Variants in HSD17B12 observed in about 807,000 individuals in gnomAD.
HSD17B12 encodes the protein hydroxysteroid 17-beta dehydrogenase 12, also known as very-long-chain 3-oxoacyl-CoA reductase.
Under a neutral mutation model 39.3 loss-of-function variants are expected in HSD17B12, and 32 were observed. The ratio of observed to expected loss-of-function variants is 0.81; its 90% confidence interval spans 0.61 to 1.09. The LOEUF is 1.09. Among genes scored for constraint, HSD17B12 ranks in the 50% least tolerant of loss-of-function variants. The pLI is 0.00. For synonymous variants in HSD17B12, 150 were observed against 146.7 expected (o/e 1.02, Z -0.16); for missense variants, 342 against 382.9 (o/e 0.89, Z 0.89).
At chr11:43,708,064 G>A (rs765113426) in intron 1 of HSD17B12, among the ~76,000 whole-genome samples, 3 of 152,100 alleles carry the variant, frequency 2.0e-5, no homozygotes, top group East Asian at 1.9e-4. Context: ...GGCCCCACCC[G>A]CAGATACCAT....
chr11:43,800,614 G>A (rs1950957587), intron 4 of HSD17B12, among the ~76,000 whole-genome samples: 2 of 152,152 alleles, frequency 1.3e-5, no homozygotes, highest in Non-Finnish European at 2.9e-5. Flanking sequence ...CAGGACACAT[G>A]TTCTCTAAAT....
At chr11:43,769,064 C>T (rs1184854608) in intron 3 of HSD17B12, among the ~76,000 whole-genome samples, 1 of 152,214 alleles carries the variant, frequency 6.6e-6, no homozygotes, top group African/African-American at 2.4e-5. Context: ...CTCAGCCTCC[C>T]AAGAAGCTAG....
chr11:43,681,216 A>G (rs938553324), intron 1 of HSD17B12: 1 of 1,258,202 alleles, frequency 7.9e-7, no homozygotes, highest in Non-Finnish European at 1.0e-6. Context: ...AATCCTGGGA[A>G]TCTAAGCTCA....
At chr11:43,655,037 G>A in the HSD17B12 span, among the ~76,000 whole-genome samples, 1 of 152,146 alleles carries the variant, frequency 6.6e-6, no homozygotes, top group Non-Finnish European at 1.5e-5. Flanking sequence ...CTACCCATGA[G>A]CATGGAATGT....
chr11:43,676,324 A>C (rs1949695092), upstream of HSD17B12, among the ~76,000 whole-genome samples: 1 of 152,038 alleles, frequency 6.6e-6, no homozygotes, highest in African/African-American at 2.4e-5. Flanking sequence ...AGGCAGGTGG[A>C]TATATATACT....
rs143705895 is a variant in HSD17B12 at position 43,747,169 on chromosome 11, A to G, written c.161-3742A>G. Among the ~76,000 whole-genome samples the G allele has an allele frequency of 2.3e-3, 354 of 152,300 alleles. 1 individual carries two copies. Among genetic ancestry groups the G allele is most frequent in the African/African-American group, 8.1e-3 (338 of 41,558 alleles). On this transcript the variant is annotated intron_variant, in intron 1 of 10. Coordinates refer to ENST00000278353, the MANE Select transcript of HSD17B12 (RefSeq NM_016142.3). The stretch of plus-strand genomic sequence containing the variant: ...CCGATCATCATTTAAACACTTACCA[A>G]ATGTCTACTGAACACCTACCTTGTG...
In HSD17B12 at chr11:43,829,083, A is replaced by T. The variant is rs1187775400; in HGVS notation, c.502-1893A>T. Among the ~76,000 whole-genome samples the T allele has an allele frequency of 3.3e-5, 5 of 152,164 alleles. 1 individual carries two copies. Among genetic ancestry groups the T allele is most frequent in the Admixed American group, 2.6e-4 (4 of 15,270 alleles). ...TTTCATTGTTATTATTTGACAGATT[A>T]AAAAAAGATGTTACATTTTATGACA... is the stretch of plus-strand genomic sequence containing the variant. On this transcript the variant is annotated intron_variant, in intron 6 of 10. Coordinates refer to ENST00000278353, the MANE Select transcript of HSD17B12 (RefSeq NM_016142.3).
rs150402418 is a variant in HSD17B12, at chr11:43,707,854, C to T, written c.160+26867C>T. ...TCTTGGTCAGTTTGGGCTGCTGTGA[C>T]AGAATACTATAGACTAGATGGCTGA... is the stretch of plus-strand genomic sequence containing the variant. On this transcript the variant is annotated intron_variant, in intron 1 of 10. Transcript: ENST00000278353. 5.3e-3 allele frequency among the ~76,000 whole-genome samples: 801 copies of T among 152,232 alleles called. 9 individuals carry two copies. The highest frequency in any genetic ancestry group is 0.019 in the African/African-American group (777 of 41,526).
rs11037617 is a variant in HSD17B12 at position 43,769,643 on chromosome 11, A to T, written c.283+15522A>T. Among the ~76,000 whole-genome samples the T allele has an allele frequency of 5.0e-3, 765 of 152,310 alleles. 6 individuals carry two copies. Among genetic ancestry groups the T allele is most frequent in the East Asian group, 0.045 (231 of 5,184 alleles). ...GTATGACATTGTTTTTCAATTATGA[A>T]TCACTTAAAATCAGTGTTTTTGACT... On this transcript the variant is annotated intron_variant, in intron 3 of 10. Coordinates refer to ENST00000278353, the MANE Select transcript of HSD17B12 (RefSeq NM_016142.3).
chr11:43,607,279 A>AGTGTGTGT, the HSD17B12 span, among the ~76,000 whole-genome samples: 18 of 145,390 alleles, frequency 1.2e-4, no homozygotes, highest in South Asian at 2.3e-4. Context: ...TGTGCTCCTG[A>AGTGTGTGT]GTGTGTGTGT....
At chr11:43,684,829 A>G (rs192171522) in intron 1 of HSD17B12, among the ~76,000 whole-genome samples, 1 of 152,200 alleles carries the variant, frequency 6.6e-6, no homozygotes, top group African/African-American at 2.4e-5. Context: ...CTTAAAAGAA[A>G]TGCTGTACCC....
At chr11:43,660,551 A>G in the HSD17B12 span, among the ~76,000 whole-genome samples, 748 of 152,356 alleles carry the variant, frequency 4.9e-3, 7 homozygotes, top group Non-Finnish European at 7.2e-3. Flanking sequence ...TAAAAAGACA[A>G]TACTAAGTGG....
In HSD17B12 at chr11:43,849,325, A is replaced by AC. The variant is rs199700540; in HGVS notation, c.685-5390_685-5389insC. 4.1e-3 allele frequency among the ~76,000 whole-genome samples: 623 copies of AC among 151,796 alleles called. 5 individuals are homozygous for AC. The highest frequency in any genetic ancestry group is 0.014 in the African/African-American group (561 of 41,364). On this transcript the variant is annotated intron_variant, in intron 9 of 10. Transcript: ENST00000278353. ...CTCAAACAAAACAAAACAAAACAAA[A>AC]AAATCCAGTTACTTCACTGCTATGC...
the HSD17B12 span, among the ~76,000 whole-genome samples, chr11:43,632,535 AT>A: frequency 2.6e-5 from 4 of 151,808 alleles, no homozygotes; most frequent in African/African-American, 4.8e-5. Context: ...TGTATTTGCC[AT>A]TTTTTTTCCT....
At chr11:43,743,919 CAG>C (rs1950391126) in intron 1 of HSD17B12, among the ~76,000 whole-genome samples, 1 of 152,092 alleles carries the variant, frequency 6.6e-6, no homozygotes, top group African/African-American at 2.4e-5. Flanking sequence ...TTAATATCCT[CAG>C]AGATTAGATA....
At chr11:43,827,604 A>G (rs1016808371) in intron 6 of HSD17B12, among the ~76,000 whole-genome samples, 2 of 152,370 alleles carry the variant, frequency 1.3e-5, no homozygotes, top group South Asian at 4.1e-4. Flanking sequence ...ATATACAAAC[A>G]CTAAGAAGAA....
chr11:43,661,124 C>CAAT, the HSD17B12 span, among the ~76,000 whole-genome samples: 2 of 151,928 alleles, frequency 1.3e-5, no homozygotes, highest in Non-Finnish European at 2.9e-5. Context: ...AACTCCATCT[C>CAAT]AATAATAATA....
chr11:43,752,989 A>G (rs1950478962), intron 2 of HSD17B12, among the ~76,000 whole-genome samples: 1 of 152,172 alleles, frequency 6.6e-6, no homozygotes, highest in Non-Finnish European at 1.5e-5. Context: ...TTAAGACTGG[A>G]ATATTAGTTT....
upstream of HSD17B12, among the ~76,000 whole-genome samples, chr11:43,677,596 C>G (rs1949703083): frequency 1.3e-5 from 2 of 152,160 alleles, no homozygotes; most frequent in Admixed American, 1.3e-4. Flanking sequence ...CCCCACCCCC[C>G]CACCACCCCA....
Sources: gnomAD v4.1 joint callset for allele counts (sites outside exome capture counted in the v4.1 genomes callset) on GRCh38, gnomAD v4.1.1 for gene constraint, MANE v1.5 for transcripts, NCBI Gene and HGNC (gene_info 2026-07-23, HGNC 2026-07-21) for gene names.